Variants in PID1 observed in about 807,000 individuals in gnomAD.
The protein encoded by PID1 is PTB-containing, cubilin and LRP1-interacting protein.
PID1 carries 10 observed loss-of-function variants against 19.1 expected under a neutral mutation model. That is an observed-to-expected ratio of 0.52 (90% CI 0.32 to 0.89). PID1 has a LOEUF of 0.89. Among genes scored for constraint, PID1 ranks in the 40% least tolerant of loss-of-function variants. The pLI is 0.03. For missense variants in PID1, 248 were observed against 285.3 expected, an observed-to-expected ratio of 0.87 and a Z score of 0.94; for synonymous variants, 130 against 116.0, an observed-to-expected ratio of 1.12 and a Z score of -0.78.
chr2:229,035,299 A>G (rs1233764561), intron 2 of PID1, among the ~76,000 whole-genome samples: 1 of 152,178 alleles, frequency 6.6e-6, no homozygotes, highest in Non-Finnish European at 1.5e-5. Context: ...ATCTGCTTCT[A>G]GACTGATTTC....
At chr2:229,228,829 T>C (rs1692139836) in intron 1 of PID1, among the ~76,000 whole-genome samples, 1 of 152,216 alleles carries the variant, frequency 6.6e-6, no homozygotes, top group African/African-American at 2.4e-5. Context: ...CATTTGTTCC[T>C]AAAATCCCAC....
At chr2:229,231,106 G>A (rs1473775678) in intron 1 of PID1, among the ~76,000 whole-genome samples, 2 of 152,040 alleles carry the variant, frequency 1.3e-5, no homozygotes, top group East Asian at 1.9e-4. Flanking sequence ...TAACCGCCCA[G>A]GGCCAGGAAC....
At chr2:229,131,011 C>T (rs1689727549) in intron 2 of PID1, among the ~76,000 whole-genome samples, 1 of 152,024 alleles carries the variant, frequency 6.6e-6, no homozygotes, top group Non-Finnish European at 1.5e-5. Flanking sequence ...ATAAAGATAC[C>T]CACCATATCG....
chr2:229,219,013 T>A (rs1691909029), intron 1 of PID1, among the ~76,000 whole-genome samples: 1 of 152,162 alleles, frequency 6.6e-6, no homozygotes, highest in Non-Finnish European at 1.5e-5. Context: ...GAAGCCAGTC[T>A]CTCAAGCCAC....
chr2:229,055,852 G>A (rs559816983), intron 2 of PID1, among the ~76,000 whole-genome samples: 9 of 152,110 alleles, frequency 5.9e-5, no homozygotes, highest in Admixed American at 1.3e-4. Context: ...TCCAAAGCAC[G>A]TCCACATAGG....
At chr2:229,139,106 A>C (rs985200559) in intron 2 of PID1, among the ~76,000 whole-genome samples, 2 of 63,886 alleles carry the variant, frequency 3.1e-5, no homozygotes, top group Admixed American at 1.7e-4. Flanking sequence ...AAAGAAAGAA[A>C]GAAAGAAAGA....
At chr2:229,253,608 A>G (rs1690210609) in intron 1 of PID1, among the ~76,000 whole-genome samples, 1 of 151,980 alleles carries the variant, frequency 6.6e-6, no homozygotes, top group Admixed American at 6.6e-5. Flanking sequence ...AAAAAAAAAA[A>G]AATTGCACCC....
intron 1 of PID1, among the ~76,000 whole-genome samples, chr2:229,252,204 G>C (rs1160068728): frequency 6.6e-6 from 1 of 152,106 alleles, no homozygotes; most frequent in East Asian, 1.9e-4. Context: ...GGAATGGAAA[G>C]AACTTCACTC....
intron 2 of PID1, among the ~76,000 whole-genome samples, chr2:229,069,319 T>C (rs989577587): frequency 1.3e-5 from 2 of 152,010 alleles, no homozygotes; most frequent in African/African-American, 4.8e-5. Flanking sequence ...GAGTTTTAGG[T>C]TCCAAGATTT....
At chr2:229,082,655 G>A (rs1018903178) in intron 2 of PID1, among the ~76,000 whole-genome samples, 3 of 152,220 alleles carry the variant, frequency 2.0e-5, no homozygotes, top group African/African-American at 7.2e-5. Flanking sequence ...AGAGCAGAGA[G>A]TGGCTCCTGG....
intron 1 of PID1, among the ~76,000 whole-genome samples, chr2:229,192,867 G>A (rs1691291800): frequency 2.0e-5 from 3 of 152,116 alleles, no homozygotes; most frequent in Admixed American, 6.6e-5. Flanking sequence ...AGAGAAACAA[G>A]GTAATTTGCT....
At chr2:229,082,495 T>A (rs13004970) in intron 2 of PID1, among the ~76,000 whole-genome samples, 30,419 of 152,188 alleles carry the variant, frequency 0.2, 3,944 homozygotes, top group East Asian at 0.54. Flanking sequence ...GTGGGTTTAA[T>A]CATATGAATT....
intron 1 of PID1, among the ~76,000 whole-genome samples, chr2:229,183,271 A>T (rs1690985892): frequency 1.3e-5 from 2 of 152,188 alleles, no homozygotes; most frequent in Non-Finnish European, 2.9e-5. Context: ...TATGGAACAG[A>T]TTCTTCGTTA....
intron 1 of PID1, among the ~76,000 whole-genome samples, chr2:229,170,238 G>C (rs531402104): frequency 6.6e-6 from 1 of 152,274 alleles, no homozygotes; most frequent in African/African-American, 2.4e-5. Context: ...GAGAGACAGA[G>C]AGAGACAACA....
chr2:229,083,262 G>A (rs192143587), intron 2 of PID1, among the ~76,000 whole-genome samples: 2 of 152,250 alleles, frequency 1.3e-5, no homozygotes, highest in East Asian at 3.9e-4. Flanking sequence ...AATCCAGTAT[G>A]TGCTGGAGTG....
intron 2 of PID1, among the ~76,000 whole-genome samples, chr2:229,041,949 A>T (rs1175994843): frequency 6.6e-6 from 1 of 152,230 alleles, no homozygotes; most frequent in South Asian, 2.1e-4. Flanking sequence ...GCACTCATTT[A>T]CTTTTAGTTT....
chr2:229,215,218 T>C (rs2106253151), intron 1 of PID1, among the ~76,000 whole-genome samples: 1 of 152,338 alleles, frequency 6.6e-6, no homozygotes, highest in South Asian at 2.1e-4. Context: ...TAACTATTGT[T>C]ATATTTTACA....
chr2:229,139,042 A>AGCAAGCTTCCCTTGACC (rs1689932043), intron 2 of PID1, among the ~76,000 whole-genome samples: 1 of 79,034 alleles, frequency 1.3e-5, no homozygotes, highest in Non-Finnish European at 2.8e-5. Context: ...AAAGAAAGAG[A>AGCAAGCTTCCCTTGACC]AAGAAAGAAA....
At chr2:229,101,490 C>A (rs1695073141) in intron 2 of PID1, among the ~76,000 whole-genome samples, 2 of 152,222 alleles carry the variant, frequency 1.3e-5, no homozygotes, top group Admixed American at 1.3e-4. Context: ...TGATCAACAA[C>A]AGGAACTTGC....
Sources: allele counts gnomAD v4.1 joint callset (sites outside exome capture counted in the v4.1 genomes callset), GRCh38; gene constraint gnomAD v4.1.1; transcripts MANE v1.5; gene names NCBI Gene and HGNC (gene_info 2026-07-23, HGNC 2026-07-21).